Variants in RSBN1L observed in about 807,000 individuals in gnomAD.
RSBN1L encodes lysine-specific demethylase RSBN1L.
Under a neutral mutation model 67.7 loss-of-function variants are expected in RSBN1L, and 30 were observed. That is an observed-to-expected ratio of 0.44 (90% CI 0.33 to 0.60). RSBN1L has a LOEUF of 0.60. Ranked by LOEUF, RSBN1L falls within the 20% of genes least tolerant of loss-of-function variation. RSBN1L has a pLI of 0.02. For synonymous variants in RSBN1L, 433 were observed against 387.0 expected (o/e 1.12, Z -1.39); for missense variants, 992 against 1,031.7 (o/e 0.96, Z 0.53).
At chr7:77,756,113 G>A (rs910124142) in intron 3 of RSBN1L, among the ~76,000 whole-genome samples, 1 of 151,998 alleles carries the variant, frequency 6.6e-6, no homozygotes, top group Non-Finnish European at 1.5e-5. Context: ...AGAGAAAAAT[G>A]GTGCAAATCT....
intron 1 of RSBN1L, among the ~76,000 whole-genome samples, chr7:77,720,763 CTTTTTT>C (rs34070122): frequency 9.6e-6 from 1 of 104,368 alleles, no homozygotes; most frequent in Non-Finnish European, 1.9e-5. Flanking sequence ...TTTTCTTTTT[CTTTTTT>C]TTTTTTTTTT....
At chr7:77,754,084 C>G (rs1461961176) in intron 3 of RSBN1L, among the ~76,000 whole-genome samples, 3 of 152,114 alleles carry the variant, frequency 2.0e-5, no homozygotes. Context: ...ATCAGCCAGG[C>G]TAGAGTGCAA....
chr7:77,736,461 AAAAG>A lies in RSBN1L; in HGVS notation c.642_645del (p.Lys214AsnfsTer4). The A allele has an allele frequency of 8.3e-7, 1 of 1,199,302 alleles. No individual in the cohort carries two copies. The highest frequency in any genetic ancestry group is 1.2e-6 in the Non-Finnish European group (1 of 856,688). 74.3% of individuals were successfully genotyped at this position (1,199,302 alleles called of 1,614,324 possible). The stretch of plus-strand genomic sequence containing the variant: ...AGAGACAAAGAAAAAGAAAGAGAAA[AAAAG>A]AAACATAAAGTAATGAATGAGATCA... On this transcript the variant is annotated frameshift_variant, in exon 2 of 8. Transcript: ENST00000334955. LOFTEE classifies it high-confidence loss of function.
At chr7:77,712,114 A>G (rs1374844746) in intron 1 of RSBN1L, among the ~76,000 whole-genome samples, 1 of 152,128 alleles carries the variant, frequency 6.6e-6, no homozygotes, top group Non-Finnish European at 1.5e-5. Context: ...TTATAATAAT[A>G]TATGTTCATT....
chr7:77,761,911 G>T (rs966832793), intron 3 of RSBN1L, among the ~76,000 whole-genome samples: 1 of 151,990 alleles, frequency 6.6e-6, no homozygotes, highest in African/African-American at 2.4e-5. Context: ...ATTCAGGTGG[G>T]TGATCATCAT....
intron 3 of RSBN1L, among the ~76,000 whole-genome samples, chr7:77,763,149 C>CTT (rs11440608): frequency 0.057 from 7,167 of 126,722 alleles, 365 homozygotes; most frequent in South Asian, 0.14. Context: ...TATAATTTGA[C>CTT]TTTTTTTTTT....
At chr7:77,725,769 T>C (rs1478257310) in intron 1 of RSBN1L, among the ~76,000 whole-genome samples, 1 of 152,030 alleles carries the variant, frequency 6.6e-6, no homozygotes, top group East Asian at 1.9e-4. Context: ...TTTGTATTTT[T>C]AGTAGAGACA....
rs543654905 is a variant in RSBN1L, at chr7:77,724,450, G to C, written c.587-11960G>C. ...CTTTTTTCTTTTTTTTTTTTTTTGA[G>C]AGTCTCACTCTGTTGTCCAGGTGGG... is the stretch of plus-strand genomic sequence containing the variant. On this transcript the variant is annotated intron_variant, in intron 1 of 7. Transcript: ENST00000334955. 6.5e-5 allele frequency among the ~76,000 whole-genome samples: 9 copies of C among 137,466 alleles called. No homozygotes were observed. In the South Asian group the frequency reaches 2.0e-3, roughly 31 times the overall value. 90.2% of individuals were successfully genotyped at this position (137,466 alleles called of 152,430 possible).
chr7:77,746,875 C>T (rs1290761488), intron 2 of RSBN1L, among the ~76,000 whole-genome samples: 4 of 152,178 alleles, frequency 2.6e-5, no homozygotes, highest in African/African-American at 4.8e-5. Flanking sequence ...AAAATAATCC[C>T]CTTTGACTCC....
intron 1 of RSBN1L, among the ~76,000 whole-genome samples, chr7:77,715,418 C>A (rs996234246): frequency 1.3e-5 from 2 of 151,124 alleles, no homozygotes; most frequent in Admixed American, 6.6e-5. Flanking sequence ...GATTCTTGTG[C>A]CTCAGCCTCC....
chr7:77,774,770 G>T (rs1026098128), intron 6 of RSBN1L, among the ~76,000 whole-genome samples: 1 of 152,102 alleles, frequency 6.6e-6, no homozygotes, highest in African/African-American at 2.4e-5. Flanking sequence ...AGATAATTTT[G>T]CTTGCTTAGA....
chr7:77,704,557 G>A (rs1485847543), intron 1 of RSBN1L, among the ~76,000 whole-genome samples: 4 of 151,842 alleles, frequency 2.6e-5, no homozygotes, highest in Admixed American at 2.0e-4. Context: ...TTTCACCTCC[G>A]CTCCTCCATT....
chr7:77,717,607 A>G (rs1423308779), intron 1 of RSBN1L, among the ~76,000 whole-genome samples: 1 of 152,228 alleles, frequency 6.6e-6, no homozygotes, highest in Admixed American at 6.5e-5. Flanking sequence ...GATAAATACA[A>G]TTTCTGCCTC....
At chr7:77,769,411 T>A (rs930074679) in intron 5 of RSBN1L, among the ~76,000 whole-genome samples, 1 of 152,226 alleles carries the variant, frequency 6.6e-6, no homozygotes, top group Admixed American at 6.5e-5. Context: ...AAGAGGAAGA[T>A]GTATTTAATG....
chr7:77,702,990 A>G (rs2150411276), intron 1 of RSBN1L, among the ~76,000 whole-genome samples: 1 of 152,266 alleles, frequency 6.6e-6, no homozygotes, highest in African/African-American at 2.4e-5. Context: ...GCTTCAACAT[A>G]TGGATTTTGG....
chr7:77,735,130 T>C (rs1791316901), intron 1 of RSBN1L, among the ~76,000 whole-genome samples: 1 of 152,118 alleles, frequency 6.6e-6, no homozygotes, highest in Non-Finnish European at 1.5e-5. Flanking sequence ...TTATTAATGA[T>C]TGAAGTTTAA....
chr7:77,739,711 GAAAAAAAAA>G lies in RSBN1L; in HGVS notation c.703+3199_703+3207del, dbSNP rs1158112982. On this transcript the variant is annotated intron_variant, in intron 2 of 7. Transcript: ENST00000334955. Reference sequence around the variant, plus strand: ...GTGACAGAGCAAGACTTGGTCTCAGGAAAAAAAAAAAAAAAAAAAAAATGTGTCTTTTTT... The same window carrying G: ...GTGACAGAGCAAGACTTGGTCTCAGGAAAAAAAAAAAAATGTGTCTTTTTT... Among the ~76,000 whole-genome samples, 6 of 34,412 alleles carry G rather than the reference GAAAAAAAAA, an allele frequency of 1.7e-4. No homozygotes were observed. In the East Asian group the frequency reaches 4.9e-3, roughly 28 times the overall value. 22.6% of individuals were successfully genotyped at this position (34,412 alleles called of 152,430 possible). A position where few individuals can be genotyped will look rare whatever the true frequency, so the allele number is the denominator to read the frequency against.
intron 3 of RSBN1L, 39 bp from the exon 4 acceptor site, chr7:77,765,453 AAAG>A (rs752209657): frequency 2.8e-6 from 4 of 1,439,840 alleles, no homozygotes; most frequent in South Asian, 1.5e-5. Flanking sequence ...CTTCAGGTAA[AAAG>A]AACGTATTTA....
intron 1 of RSBN1L, among the ~76,000 whole-genome samples, chr7:77,714,745 G>A (rs956693368): frequency 5.3e-5 from 8 of 151,728 alleles, no homozygotes; most frequent in African/African-American, 1.9e-4. Flanking sequence ...GGCCGATCAC[G>A]AGGTCAGGAG....
Sources: allele counts gnomAD v4.1 joint callset (sites outside exome capture counted in the v4.1 genomes callset), GRCh38; gene constraint gnomAD v4.1.1; transcripts MANE v1.5; gene names NCBI Gene and HGNC (gene_info 2026-07-23, HGNC 2026-07-21).